The following GFOD1 variants were observed in gnomAD, a reference collection of about 807,000 sequenced individuals.
The protein encoded by GFOD1 is Gfo/Idh/MocA-like oxidoreductase domain containing 1.
Under a neutral mutation model 25.4 loss-of-function variants are expected in GFOD1, and 9 were observed. The ratio of observed to expected loss-of-function variants is 0.35; its 90% CI spans 0.21 to 0.62. GFOD1 has a LOEUF of 0.62. Ranked by LOEUF, GFOD1 falls within the 20% of genes least tolerant of loss-of-function variation. The pLI, the probability that GFOD1 is intolerant of heterozygous loss-of-function variation, is 0.72. For missense variants in GFOD1, 403 were observed against 556.9 expected, an observed-to-expected ratio of 0.72 and a Z score of 2.78; for synonymous variants, 253 against 245.6, an observed-to-expected ratio of 1.03 and a Z score of -0.28.
chr6:13,462,513 G>A (rs1758309803), intron 1 of GFOD1, among the ~76,000 whole-genome samples: 1 of 152,148 alleles, frequency 6.6e-6, no homozygotes, highest in Admixed American at 6.6e-5. Context: ...GTGAGCACCT[G>A]GGAGAAGGAA....
intron 1 of GFOD1, among the ~76,000 whole-genome samples, chr6:13,461,561 C>T (rs1260893673): frequency 6.6e-6 from 1 of 152,178 alleles, no homozygotes; most frequent in African/African-American, 2.4e-5. Context: ...TACCTTCCAC[C>T]CTCCGCAGCA....
At chr6:13,432,653 C>T (rs1270885228) in intron 1 of GFOD1, among the ~76,000 whole-genome samples, 1 of 152,190 alleles carries the variant, frequency 6.6e-6, no homozygotes, top group Non-Finnish European at 1.5e-5. Flanking sequence ...GTAACCCCAT[C>T]CAGTCCCTTA....
intron 1 of GFOD1, among the ~76,000 whole-genome samples, chr6:13,424,871 A>G (rs570860638): frequency 4.3e-4 from 66 of 152,064 alleles, no homozygotes; most frequent in Non-Finnish European, 8.8e-4. Flanking sequence ...AACAACAATA[A>G]CTGTAGCAGC....
At chr6:13,376,102 C>A (rs567505927) in intron 1 of GFOD1, among the ~76,000 whole-genome samples, 1 of 152,304 alleles carries the variant, frequency 6.6e-6, no homozygotes, top group African/African-American at 2.4e-5. Context: ...ACCAAGAGAC[C>A]TTCCAAGCTA....
chr6:13,451,204 T>G (rs1758091005), intron 1 of GFOD1, among the ~76,000 whole-genome samples: 1 of 152,238 alleles, frequency 6.6e-6, no homozygotes, highest in Non-Finnish European at 1.5e-5. Flanking sequence ...GTTTAGTGAC[T>G]TGCCCAGACT....
In GFOD1 at chr6:13,360,803, G is replaced by A. The variant is rs1466140221; in HGVS notation, c.*3940C>T. 1 of 456,746 alleles carries A rather than the reference G, an allele frequency of 2.2e-6. No homozygotes were observed. Among genetic ancestry groups the A allele is most frequent in the African/African-American group, 2.0e-5 (1 of 50,204 alleles). 28.3% of individuals were successfully genotyped at this position (456,746 alleles called of 1,614,324 possible). A position where few individuals can be genotyped will look rare whatever the true frequency, so the allele number is the denominator to read the frequency against. On this transcript the variant is annotated 3_prime_UTR_variant, in exon 2 of 2. Transcript: ENST00000379287. ...ATGCTTGTCACAGTCCTTCCTGGGT[G>A]TGAGAGCAGACCCCGTAGACATTGA...
intron 1 of GFOD1, among the ~76,000 whole-genome samples, chr6:13,402,845 T>C (rs1453035517): frequency 6.6e-6 from 1 of 152,012 alleles, no homozygotes; most frequent in African/African-American, 2.4e-5. Context: ...CCAAAAGAAA[T>C]GAAGAAAGGT....
Position 13,486,624 on chromosome 6 carries a change from T to G in GFOD1, c.253+14A>C, listed in dbSNP as rs375888928. 6.2e-7 allele frequency: 1 copy of G among 1,608,256 alleles called. No individual in the cohort carries two copies. The highest frequency in any genetic ancestry group is 8.5e-7 in the Non-Finnish European group (1 of 1,176,574). ...CGGGGGTGGGACGGAGGATGCGGGG[T>G]AGGGGTCGCTCACCTAGGGTTTTGA... is the stretch of plus-strand genomic sequence containing the variant. On this transcript the variant is annotated intron_variant, in intron 1 of 1. Transcript: ENST00000379287.
intron 1 of GFOD1, among the ~76,000 whole-genome samples, chr6:13,401,143 G>A (rs1308726318): frequency 6.6e-6 from 1 of 152,178 alleles, no homozygotes; most frequent in Non-Finnish European, 1.5e-5. Flanking sequence ...CCTGTGTGAG[G>A]TGACAGACTT....
chr6:13,440,308 C>T (rs997904711), intron 1 of GFOD1, among the ~76,000 whole-genome samples: 2 of 152,088 alleles, frequency 1.3e-5, no homozygotes, highest in African/African-American at 4.8e-5. Flanking sequence ...TCTGCCTCAG[C>T]CTCCCAAGCA....
chr6:13,383,859 C>CA (rs1584617176), intron 1 of GFOD1, among the ~76,000 whole-genome samples: 1 of 152,174 alleles, frequency 6.6e-6, no homozygotes, highest in African/African-American at 2.4e-5. Flanking sequence ...GCTGAATGTT[C>CA]AAGTAAGCGC....
rs1006627204 is a variant in GFOD1 at position 13,362,648 on chromosome 6, A to G, written c.*2095T>C. On this transcript the variant is annotated 3_prime_UTR_variant, in exon 2 of 2. Transcript: ENST00000379287. ...GGTCAGGGACCACAACAAACCACGC[A>G]TGGAATTTCAGCTTACCCACCCTGC... 6.6e-6 allele frequency: 1 copy of G among 152,188 alleles called. No homozygotes were observed. The highest frequency in any genetic ancestry group is 6.5e-5 in the Admixed American group (1 of 15,276). The allele number at this position is 152,188 out of a possible 1,614,324, so 9.4% of individuals were successfully genotyped here.
intron 1 of GFOD1, among the ~76,000 whole-genome samples, chr6:13,378,345 GC>G (rs1785295081): frequency 1.3e-5 from 2 of 152,180 alleles, no homozygotes; most frequent in Admixed American, 1.3e-4. Flanking sequence ...CTCAGGCTCC[GC>G]CCCCAGCAGA....
chr6:13,437,559 G>T (rs927177445), intron 1 of GFOD1, among the ~76,000 whole-genome samples: 1 of 152,198 alleles, frequency 6.6e-6, no homozygotes, highest in African/African-American at 2.4e-5. Context: ...ATAATTGCTT[G>T]TGACTAGCGG....
At chr6:13,443,580 C>G (rs1313919742) in intron 1 of GFOD1, among the ~76,000 whole-genome samples, 2 of 152,120 alleles carry the variant, frequency 1.3e-5, no homozygotes, top group African/African-American at 4.8e-5. Flanking sequence ...CTTTGGGAGG[C>G]TGAGGTGGGT....
intron 1 of GFOD1, among the ~76,000 whole-genome samples, chr6:13,484,437 A>AACCAAGACG (rs944772624): frequency 2.0e-5 from 3 of 152,188 alleles, no homozygotes; most frequent in African/African-American, 7.2e-5. Flanking sequence ...CTGTAAAGCA[A>AACCAAGACG]ACCAAGACGA....
In GFOD1 at chr6:13,409,132, A is replaced by G. The variant is rs1018445282; in HGVS notation, c.254-43470T>C. ...AAGAAAGAAAGAAAGAAAGAAAGAA[A>G]GAAAGAAAGAAAGAAAGAGAGGAAA... is the stretch of plus-strand genomic sequence containing the variant. On this transcript the variant is annotated intron_variant, in intron 1 of 1. Coordinates refer to ENST00000379287, the MANE Select transcript of GFOD1 (RefSeq NM_018988.4). Among the ~76,000 whole-genome samples the G allele has an allele frequency of 1.6e-4, 7 of 44,096 alleles. 1 individual carries two copies. Among genetic ancestry groups the G allele is most frequent in the Non-Finnish European group, 4.9e-4 (7 of 14,302 alleles). The allele number at this position is 44,096 out of a possible 152,430, so 28.9% of individuals were successfully genotyped here.
Position 13,364,723 on chromosome 6 carries a change from C to T in GFOD1, c.*20G>A. ...ACATCCCCTGCAGAAGGCTCAAGTCCCCGAGGTTCTCAATCTGTGCTAACA... is the reference window on the plus strand; with the variant it reads ...ACATCCCCTGCAGAAGGCTCAAGTCTCCGAGGTTCTCAATCTGTGCTAACA... On this transcript the variant is annotated 3_prime_UTR_variant, in exon 2 of 2. Transcript: ENST00000379287. The surrounding 1 kb of genome is among the most constrained non-coding windows in gnomAD (Gnocchi z 4.1). 6.3e-7 allele frequency: 1 copy of T among 1,588,854 alleles called. No individual in the cohort carries two copies. The highest frequency in any genetic ancestry group is 1.1e-5 in the South Asian group (1 of 89,470).
chr6:13,402,612 C>T (rs949653784), intron 1 of GFOD1, among the ~76,000 whole-genome samples: 12 of 152,156 alleles, frequency 7.9e-5, no homozygotes, highest in African/African-American at 2.7e-4. Flanking sequence ...AAATGCAAAT[C>T]TAAACCACAA....
Sources: gnomAD v4.1 joint callset for allele counts (sites outside exome capture counted in the v4.1 genomes callset) on GRCh38, gnomAD v4.1.1 for gene constraint, Gnocchi (gnomAD v3.1) non-coding constraint, MANE v1.5 for transcripts, NCBI Gene and HGNC (gene_info 2026-07-23, HGNC 2026-07-21) for gene names.